Variants in SLC25A48 observed in about 807,000 individuals in gnomAD.
The protein encoded by SLC25A48 is solute carrier family 25 member 48, also known as CTC-321K16.1.
Under a neutral mutation model 32.2 loss-of-function variants are expected in SLC25A48, and 29 were observed. That is an observed-to-expected ratio of 0.90 (90% CI 0.67 to 1.23). SLC25A48 has a LOEUF of 1.23. Ranked by LOEUF, SLC25A48 falls within the 50% of genes most tolerant of loss-of-function variation. The probability of loss-of-function intolerance (pLI) is 0.00; values close to 1 mark genes in which losing one functional copy is unlikely to be tolerated. For missense variants in SLC25A48, 399 were observed against 422.7 expected, an observed-to-expected ratio of 0.94 and a Z score of 0.49; for synonymous variants, 164 against 172.3, an observed-to-expected ratio of 0.95 and a Z score of 0.38.
At chr5:135,682,701 G>C (rs1753925752) in intron 3 of SLC25A48, among the ~76,000 whole-genome samples, 1 of 152,116 alleles carries the variant, frequency 6.6e-6, no homozygotes, top group Non-Finnish European at 1.5e-5. Flanking sequence ...CAATCCTTGA[G>C]AGATAAGAGG....
chr5:135,802,006 G>A (rs559711877), intron 3 of SLC25A48, among the ~76,000 whole-genome samples: 2 of 151,860 alleles, frequency 1.3e-5, no homozygotes, highest in African/African-American at 4.8e-5. Flanking sequence ...TCCAGAAGGA[G>A]ATAAGATGCT....
chr5:135,820,359 A>T (rs1253746579), intron 4 of SLC25A48, among the ~76,000 whole-genome samples: 1 of 152,218 alleles, frequency 6.6e-6, no homozygotes, highest in African/African-American at 2.4e-5. Context: ...AAATGAATCT[A>T]TAGTATCAAA....
chr5:135,698,160 G>T (rs1245003951), intron 3 of SLC25A48, among the ~76,000 whole-genome samples: 1 of 152,242 alleles, frequency 6.6e-6, no homozygotes, highest in Non-Finnish European at 1.5e-5. Context: ...TCACGGGGGT[G>T]AGGGTCACCT....
chr5:135,696,707 G>T (rs1394458364), intron 3 of SLC25A48, among the ~76,000 whole-genome samples: 1 of 152,174 alleles, frequency 6.6e-6, no homozygotes, highest in African/African-American at 2.4e-5. Context: ...AGTTCCTATT[G>T]AGGCTTCATT....
At chr5:135,815,504 G>C (rs1166746027) in intron 4 of SLC25A48, among the ~76,000 whole-genome samples, 1 of 152,196 alleles carries the variant, frequency 6.6e-6, no homozygotes, top group Non-Finnish European at 1.5e-5. Flanking sequence ...GGCACCAAAA[G>C]CTGCTTGCAG....
intron 3 of SLC25A48, among the ~76,000 whole-genome samples, chr5:135,788,166 G>C (rs893127052): frequency 1.3e-5 from 2 of 151,506 alleles, no homozygotes; most frequent in African/African-American, 2.4e-5. Flanking sequence ...TGTCCGGGGT[G>C]GGGGGAAGGG....
At chr5:135,584,238 A>G (rs529117232) in intron 1 of SLC25A48, among the ~76,000 whole-genome samples, 137 of 152,366 alleles carry the variant, frequency 9.0e-4, no homozygotes, top group African/African-American at 3.1e-3. Context: ...TATTCATCCA[A>G]CAACACTCCC....
At chr5:135,628,145 G>T (rs1580734945) in intron 1 of SLC25A48, among the ~76,000 whole-genome samples, 1 of 152,254 alleles carries the variant, frequency 6.6e-6, no homozygotes, top group Middle Eastern at 3.4e-3. Context: ...TAGGATCTGG[G>T]GAGGTGCTTG....
intron 3 of SLC25A48, among the ~76,000 whole-genome samples, chr5:135,651,159 A>G (rs953331272): frequency 3.3e-5 from 5 of 152,136 alleles, no homozygotes; most frequent in African/African-American, 1.2e-4. Flanking sequence ...CCTACAGAGC[A>G]TGCTTTCTCC....
At chr5:135,765,039 C>T (rs1417507980) in intron 3 of SLC25A48, among the ~76,000 whole-genome samples, 1 of 150,440 alleles carries the variant, frequency 6.6e-6, no homozygotes, top group Non-Finnish European at 1.5e-5. Flanking sequence ...TAGTGTACAC[C>T]CACCCATGAT....
intron 3 of SLC25A48, among the ~76,000 whole-genome samples, chr5:135,794,245 G>A (rs1035894864): frequency 4.6e-5 from 7 of 151,386 alleles, no homozygotes; most frequent in East Asian, 1.9e-4. Flanking sequence ...ATCTAGGGGG[G>A]GAGTGGATGA....
intron 3 of SLC25A48, among the ~76,000 whole-genome samples, chr5:135,702,081 G>A (rs1754407805): frequency 6.6e-6 from 1 of 152,206 alleles, no homozygotes; most frequent in Admixed American, 6.5e-5. Flanking sequence ...GCAATTGCAG[G>A]GGTGGGAATT....
intron 1 of SLC25A48, among the ~76,000 whole-genome samples, chr5:135,581,003 T>G (rs1370742525): frequency 6.6e-6 from 1 of 152,216 alleles, no homozygotes; most frequent in East Asian, 1.9e-4. Flanking sequence ...TGCCTGAGTA[T>G]GCATCCTAGG....
chr5:135,746,997 G>GT (rs71583237), intron 3 of SLC25A48, among the ~76,000 whole-genome samples: 48,982 of 148,912 alleles, frequency 0.33, 8,161 homozygotes, highest in East Asian at 0.47. Context: ...ATTTTTTGTT[G>GT]TTGTTTTTTT....
intron 1 of SLC25A48, among the ~76,000 whole-genome samples, chr5:135,626,686 A>C (rs1050872095): frequency 2.0e-5 from 3 of 152,204 alleles, no homozygotes; most frequent in Non-Finnish European, 4.4e-5. Context: ...GTAATGCCCC[A>C]ATCTATGCAT....
intron 1 of SLC25A48, among the ~76,000 whole-genome samples, chr5:135,599,987 A>G (rs1016704003): frequency 7.9e-5 from 12 of 152,070 alleles, no homozygotes; most frequent in Admixed American, 1.3e-4. Context: ...AAAAAAAAAA[A>G]CATTTGTATT....
chr5:135,736,998 G>A (rs1212449601), intron 3 of SLC25A48, among the ~76,000 whole-genome samples: 1 of 152,198 alleles, frequency 6.6e-6, no homozygotes, highest in Non-Finnish European at 1.5e-5. Flanking sequence ...ACCCGAGGTC[G>A]TAGGTGGATC....
intron 3 of SLC25A48, among the ~76,000 whole-genome samples, chr5:135,762,349 C>T (rs1317971884): frequency 6.6e-6 from 1 of 152,226 alleles, no homozygotes; most frequent in East Asian, 1.9e-4. Context: ...TGCAGAGGCA[C>T]ACATCGTGCT....
chr5:135,796,463 A>T (rs1411111154), intron 3 of SLC25A48, among the ~76,000 whole-genome samples: 1 of 151,642 alleles, frequency 6.6e-6, no homozygotes, highest in Non-Finnish European at 1.5e-5. Context: ...TACTCCCCAT[A>T]TCCCAGGGAG....
Sources: gnomAD v4.1 joint callset for allele counts (sites outside exome capture counted in the v4.1 genomes callset) on GRCh38, gnomAD v4.1.1 for gene constraint, MANE v1.5 for transcripts, NCBI Gene and HGNC (gene_info 2026-07-23, HGNC 2026-07-21) for gene names.